FIRRM: variants seen among roughly 807,000 people sequenced by gnomAD.
The protein encoded by FIRRM is FIGNL1-interacting regulator of recombination and mitosis.
the FIRRM span, among the ~76,000 whole-genome samples, chr1:169,791,990 A>T: frequency 6.6e-6 from 1 of 152,172 alleles, no homozygotes; most frequent in African/African-American, 2.4e-5. Context: ...AGGATCTTTT[A>T]CTTGGCTATA....
At chr1:169,843,179 GT>G in the FIRRM span, among the ~76,000 whole-genome samples, 1 of 152,142 alleles carries the variant, frequency 6.6e-6, no homozygotes, top group Non-Finnish European at 1.5e-5. Context: ...TTTTATTATT[GT>G]TTTTTATGGT....
At chr1:169,844,059 C>CA in the FIRRM span, among the ~76,000 whole-genome samples, 1 of 152,212 alleles carries the variant, frequency 6.6e-6, no homozygotes, top group African/African-American at 2.4e-5. Context: ...GGTTAGGAGT[C>CA]ATAGTTCATG....
At chr1:169,804,065 C>A in the FIRRM span, 1 of 1,435,212 alleles carries the variant, frequency 7.0e-7, no homozygotes, top group Non-Finnish European at 9.2e-7. Context: ...TTTTATTTAT[C>A]CGTAATCAGA....
chr1:169,844,645 A>G, the FIRRM span, among the ~76,000 whole-genome samples: 1 of 152,234 alleles, frequency 6.6e-6, no homozygotes, highest in African/African-American at 2.4e-5. Context: ...TATGTATAAC[A>G]TGGATTTTAC....
At chr1:169,847,290 A>G in the FIRRM span, among the ~76,000 whole-genome samples, 1 of 142,820 alleles carries the variant, frequency 7.0e-6, no homozygotes, top group East Asian at 2.2e-4. Flanking sequence ...TTCAGTACAG[A>G]GTTGCCACAC....
the FIRRM span, among the ~76,000 whole-genome samples, chr1:169,791,411 T>A: frequency 1.3e-5 from 2 of 152,206 alleles, no homozygotes; most frequent in African/African-American, 2.4e-5. Context: ...CTTAGCGTAG[T>A]AAGAGGGTGC....
the FIRRM span, chr1:169,795,497 T>C: frequency 1.6e-6 from 2 of 1,213,608 alleles, no homozygotes; most frequent in African/African-American, 3.1e-5. Context: ...TTCTTTCAGT[T>C]TTTCTGTACT....
At chr1:169,815,061 G>A in the FIRRM span, among the ~76,000 whole-genome samples, 1 of 152,000 alleles carries the variant, frequency 6.6e-6, no homozygotes, top group African/African-American at 2.4e-5. Flanking sequence ...ACTTTGGGAG[G>A]CAGAGGTGGG....
chr1:169,852,746 T>C, the FIRRM span: 1 of 1,585,316 alleles, frequency 6.3e-7, no homozygotes, highest in Admixed American at 1.7e-5. Flanking sequence ...AGGTTCTTTA[T>C]ATTTAGAATG....
At chr1:169,840,078 A>T in the FIRRM span, among the ~76,000 whole-genome samples, 1 of 152,002 alleles carries the variant, frequency 6.6e-6, no homozygotes, top group Non-Finnish European at 1.5e-5. Context: ...TGTTTCATTG[A>T]TCCATTTCTG....
At chr1:169,828,138 C>T in the FIRRM span, among the ~76,000 whole-genome samples, 9 of 152,186 alleles carry the variant, frequency 5.9e-5, no homozygotes, top group East Asian at 1.3e-3. Context: ...CATTTAAAAA[C>T]GAGCTCTGAT....
the FIRRM span, among the ~76,000 whole-genome samples, chr1:169,824,867 C>CT: frequency 6.6e-6 from 1 of 152,162 alleles, no homozygotes; most frequent in East Asian, 1.9e-4. Context: ...AGTCTCAAGA[C>CT]TTTAAGTTTA....
At chr1:169,798,322 C>T in the FIRRM span, among the ~76,000 whole-genome samples, 4 of 150,986 alleles carry the variant, frequency 2.6e-5, no homozygotes, top group African/African-American at 2.4e-5. Context: ...TGCTGGAGTG[C>T]AATGGCGCGA....
the FIRRM span, among the ~76,000 whole-genome samples, chr1:169,811,362 T>G: frequency 6.6e-6 from 1 of 152,328 alleles, no homozygotes; most frequent in Admixed American, 6.5e-5. Flanking sequence ...TTTATTAGTA[T>G]TTTAATTGTT....
At chr1:169,850,555 T>C in the FIRRM span, 1 of 429,764 alleles carries the variant, frequency 2.3e-6, no homozygotes. Flanking sequence ...CCCAGCACTT[T>C]GGGAGGCCAA....
At chr1:169,836,077 GT>G in the FIRRM span, among the ~76,000 whole-genome samples, 1 of 146,892 alleles carries the variant, frequency 6.8e-6, no homozygotes, top group Non-Finnish European at 1.5e-5. Flanking sequence ...TTTTTGGTGG[GT>G]TTTTAGTTTT....
At chr1:169,803,253 CAG>C in the FIRRM span, 89 of 1,613,922 alleles carry the variant, frequency 5.5e-5, no homozygotes, top group Admixed American at 5.0e-5. Flanking sequence ...GGAAAATATT[CAG>C]AGTCTCCCCT....
At chr1:169,837,005 C>T in the FIRRM span, 1 of 1,613,884 alleles carries the variant, frequency 6.2e-7, no homozygotes, top group African/African-American at 1.3e-5. Context: ...CCAGGCGTTA[C>T]CTCCTGAGCT....
At chr1:169,807,653 A>G in the FIRRM span, 5 of 698,776 alleles carry the variant, frequency 7.2e-6, no homozygotes, top group Non-Finnish European at 1.1e-5. Flanking sequence ...AACTGGGCAC[A>G]TCTTAGTTAT....
Sources: gnomAD v4.1 joint callset for allele counts (sites outside exome capture counted in the v4.1 genomes callset) on GRCh38, gnomAD v4.1.1 for gene constraint, MANE v1.5 for transcripts, NCBI Gene and HGNC (gene_info 2026-07-23, HGNC 2026-07-21) for gene names.